Variants in CD99 observed in about 807,000 individuals in gnomAD.
CD99 encodes the protein CD99 molecule (Xg blood group).
CD99 carries 19 observed loss-of-function variants against 28.4 expected under a neutral mutation model. The observed-to-expected ratio is 0.67, with a 90% CI of 0.47 to 0.98. The LOEUF is 0.98. CD99 is among the 50% of genes least tolerant of loss of function. CD99 has a pLI of 0.00. For synonymous variants in CD99, 103 were observed against 92.1 expected (o/e 1.12, Z -0.67); for missense variants, 283 against 248.8 (o/e 1.14, Z -0.92).
intron 1 of CD99, among the ~76,000 whole-genome samples, chrX:2,702,741 G>A (rs1303745741): frequency 6.6e-5 from 10 of 151,732 alleles, no homozygotes; most frequent in Non-Finnish European, 1.0e-4. Flanking sequence ...CCTTACCCTC[G>A]GCTATTTTGT....
intron 7 of CD99, 73 bp downstream of exon 7, chrX:2,723,437 G>A: frequency 6.5e-7 from 1 of 1,545,468 alleles, no homozygotes; most frequent in Admixed American, 1.7e-5. Context: ...ATGTCTGAGA[G>A]CTGGCGGACT....
intron 8 of CD99, 53 bp downstream of exon 8, chrX:2,726,426 T>C (rs1337472325): frequency 3.4e-6 from 4 of 1,183,006 alleles, no homozygotes; most frequent in Non-Finnish European, 5.1e-6. Context: ...ATTGGAAAAC[T>C]GTGCTTTCTT....
At position 2,720,372 on chromosome X, in the gene CD99, G is replaced by A. The variant is rs765619235; in HGVS notation, c.210G>A (p.Pro70=). Residue 70 remains proline, a synonymous_variant, in exon 5 of 10, where the codon CCG becomes CCA. Transcript: ENST00000381192. The stretch of plus-strand genomic sequence containing the variant: ...CACAAACAGACGACCCACGACCACC[G>A]AACCCACCCAAACCGATGCCAAATC... ...VDGENDDPRP[P]NPPKPMPNPN... 3.1e-5 allele frequency: 50 copies of A among 1,613,464 alleles called. No individual in the cohort carries two copies. Among genetic ancestry groups the A allele is most frequent in the African/African-American group, 4.0e-5 (3 of 74,786 alleles).
At chrX:2,692,109 G>A in intron 1 of CD99, 1 of 597,842 alleles carries the variant, frequency 1.7e-6, no homozygotes, top group Admixed American at 3.0e-5. Flanking sequence ...AGGGAAGAAA[G>A]AGCCACGGTC....
At chrX:2,719,733 C>T (rs754077040) in intron 4 of CD99, 28 bp downstream of exon 4, 1 of 1,594,208 alleles carries the variant, frequency 6.3e-7, no homozygotes, top group South Asian at 1.1e-5. Flanking sequence ...ATCTCTTCTG[C>T]TGCTGATCTG....
chrX:2,730,129 GGAC>G (rs1305751991), intron 8 of CD99, among the ~76,000 whole-genome samples: 2 of 152,048 alleles, frequency 1.3e-5, no homozygotes, highest in Admixed American at 1.3e-4. Context: ...ACTCCAGCCT[GGAC>G]GACAGACAGA....
rs182932488 is a variant in CD99, at chrX:2,722,794, G to A, written c.310+120G>A. 3,925 of 1,087,284 alleles carry A rather than the reference G, an allele frequency of 3.6e-3. 14 individuals are homozygous for A. The highest frequency in any genetic ancestry group is 4.9e-3 in the Non-Finnish European group (3,437 of 702,280). The allele number at this position is 1,087,284 out of a possible 1,614,324, so 67.4% of individuals were successfully genotyped here. ...CTGTGAACTCACAGTGAAATGTTCA[G>A]CCATCTCTGTGGGAACTCCGCCTGT... is the stretch of plus-strand genomic sequence containing the variant. On this transcript the variant is annotated intron_variant, in intron 6 of 9. Coordinates refer to ENST00000381192, the MANE Select transcript of CD99 (RefSeq NM_002414.5).
chrX:2,724,421 G>T (rs1298926615), intron 7 of CD99, among the ~76,000 whole-genome samples: 1 of 152,154 alleles, frequency 6.6e-6, no homozygotes, highest in Non-Finnish European at 1.5e-5. Flanking sequence ...GGGCGGAGAA[G>T]ATTCTATCTG....
chrX:2,699,406 G>C (rs2047737423), intron 1 of CD99, among the ~76,000 whole-genome samples: 1 of 150,214 alleles, frequency 6.7e-6, no homozygotes, highest in African/African-American at 2.5e-5. Flanking sequence ...CTGACGTCGT[G>C]ATCTGCCCAC....
intron 8 of CD99, among the ~76,000 whole-genome samples, chrX:2,736,094 C>A (rs1218095902): frequency 6.6e-6 from 1 of 151,028 alleles, no homozygotes; most frequent in African/African-American, 2.4e-5. Flanking sequence ...CCCAGCTACT[C>A]GGGAGGCTGA....
intron 1 of CD99, among the ~76,000 whole-genome samples, chrX:2,697,030 C>G (rs1467479008): frequency 6.6e-6 from 1 of 152,134 alleles, no homozygotes; most frequent in East Asian, 1.9e-4. Context: ...GTGAAAGTAG[C>G]TTGCAGCCAC....
intron 1 of CD99, among the ~76,000 whole-genome samples, chrX:2,703,838 G>A (rs2047995386): frequency 6.6e-6 from 1 of 152,046 alleles, no homozygotes; most frequent in Non-Finnish European, 1.5e-5. Context: ...TCAGTTTCCG[G>A]TGTTTCCACG....
chrX:2,726,505 C>G, intron 8 of CD99, 132 bp downstream of exon 8: 1 of 718,334 alleles, frequency 1.4e-6, no homozygotes, highest in East Asian at 2.6e-5. Flanking sequence ...CGTGAAACTG[C>G]TAAAATTCTG....
At chrX:2,706,807 A>G (rs2048138011) in intron 1 of CD99, among the ~76,000 whole-genome samples, 1 of 151,868 alleles carries the variant, frequency 6.6e-6, no homozygotes, top group South Asian at 2.1e-4. Context: ...GGAACTGCCT[A>G]ATTTTTTTTA....
Position 2,717,379 on chromosome X carries a change from C to T in CD99, c.101-226C>T, listed in dbSNP as rs185259917. ...AAAAAAAAAAGAAGTGGAGAAGGGG[C>T]TCCTGGTCTCTGTGGAAACCATGGC... On this transcript the variant is annotated intron_variant, in intron 2 of 9. Transcript: ENST00000381192. 1.8e-3 allele frequency: 935 copies of T among 528,586 alleles called. 2 individuals are homozygous for T. The highest frequency in any genetic ancestry group is 4.6e-3 in the Admixed American group (143 of 30,766). 32.7% of individuals were successfully genotyped at this position (528,586 alleles called of 1,614,324 possible). A position where few individuals can be genotyped will look rare whatever the true frequency, so the allele number is the denominator to read the frequency against.
intron 1 of CD99, among the ~76,000 whole-genome samples, chrX:2,700,520 C>T (rs990323741): frequency 6.6e-6 from 1 of 151,854 alleles, no homozygotes; most frequent in Non-Finnish European, 1.5e-5. Context: ...ATCCATTCAT[C>T]CATGCATCCA....
intron 2 of CD99, among the ~76,000 whole-genome samples, chrX:2,716,057 C>T (rs551840607): frequency 1.3e-5 from 2 of 149,228 alleles, no homozygotes; most frequent in Non-Finnish European, 3.0e-5. Flanking sequence ...CTCTCTCTGT[C>T]ACCCAGGCTG....
At chrX:2,705,582 A>T (rs1348759926) in intron 1 of CD99, among the ~76,000 whole-genome samples, 1 of 152,168 alleles carries the variant, frequency 6.6e-6, no homozygotes, top group African/African-American at 2.4e-5. Context: ...ACTTTGCAGC[A>T]CTTTTTTGTG....
intron 1 of CD99, among the ~76,000 whole-genome samples, chrX:2,713,075 GACACATGC>G (rs889444606): frequency 3.7e-4 from 55 of 150,466 alleles, no homozygotes; most frequent in African/African-American, 1.2e-3. Flanking sequence ...TAAACATATT[GACACATGC>G]ACACATGCAC....
Sources: gnomAD v4.1 joint callset for allele counts (sites outside exome capture counted in the v4.1 genomes callset) on GRCh38, gnomAD v4.1.1 for gene constraint, MANE v1.5 for transcripts, NCBI Gene and HGNC (gene_info 2026-07-23, HGNC 2026-07-21) for gene names.